SMIM10L3: variants seen among roughly 807,000 people sequenced by gnomAD.
The protein encoded by SMIM10L3 is small integral membrane protein 10 like 3.
the SMIM10L3 span, chr7:6,330,887 C>T: frequency 3.1e-6 from 5 of 1,614,090 alleles, no homozygotes; most frequent in Admixed American, 3.3e-5. Context: ...TTTCTTCTTA[C>T]TGATTCTCTC....
At chr7:6,337,229 G>A in the SMIM10L3 span, among the ~76,000 whole-genome samples, 4 of 152,158 alleles carry the variant, frequency 2.6e-5, no homozygotes, top group Admixed American at 2.6e-4. Flanking sequence ...ATGCCACCAT[G>A]GCCCTGGCTG....
At chr7:6,333,977 G>A in the SMIM10L3 span, among the ~76,000 whole-genome samples, 1 of 150,324 alleles carries the variant, frequency 6.7e-6, no homozygotes, top group African/African-American at 2.4e-5. Context: ...CTCCCAAGTA[G>A]CTGGGACTAC....
the SMIM10L3 span, among the ~76,000 whole-genome samples, chr7:6,337,436 C>G: frequency 6.6e-6 from 1 of 150,732 alleles, no homozygotes; most frequent in Non-Finnish European, 1.5e-5. Context: ...TTTTAATTCT[C>G]AAGAAAAACA....
the SMIM10L3 span, among the ~76,000 whole-genome samples, chr7:6,333,583 G>T: frequency 3.0e-3 from 460 of 151,676 alleles, 3 homozygotes; most frequent in Middle Eastern, 0.031. Flanking sequence ...ACTGCAGCCT[G>T]TAACTTCTGG....
chr7:6,334,666 G>A, the SMIM10L3 span, among the ~76,000 whole-genome samples: 49 of 151,992 alleles, frequency 3.2e-4, no homozygotes, highest in African/African-American at 5.5e-4. Context: ...GGGGTTCCAC[G>A]AGTTGCCCAG....
At chr7:6,340,621 TGCTG>T in the SMIM10L3 span, among the ~76,000 whole-genome samples, 22 of 151,842 alleles carry the variant, frequency 1.4e-4, no homozygotes, top group African/African-American at 5.3e-4. Flanking sequence ...AAATTATGAG[TGCTG>T]GCTGGGCATG....
At chr7:6,337,202 G>C in the SMIM10L3 span, among the ~76,000 whole-genome samples, 2 of 152,026 alleles carry the variant, frequency 1.3e-5, no homozygotes, top group Non-Finnish European at 2.9e-5. Flanking sequence ...CTCCCAAGTA[G>C]CTGAGACTAC....
chr7:6,348,905 C>G, the SMIM10L3 span: 4 of 386,854 alleles, frequency 1.0e-5, no homozygotes, highest in Non-Finnish European at 1.8e-5. Flanking sequence ...GCGGAGTCCG[C>G]ACGTCACGCT....
At chr7:6,347,973 C>CGA in the SMIM10L3 span, among the ~76,000 whole-genome samples, 1 of 150,564 alleles carries the variant, frequency 6.6e-6, no homozygotes, top group Non-Finnish European at 1.5e-5. Context: ...CGCAATGGAG[C>CGA]GATCTCGGCT....
chr7:6,347,987 C>G, the SMIM10L3 span, among the ~76,000 whole-genome samples: 1 of 151,032 alleles, frequency 6.6e-6, no homozygotes, highest in Non-Finnish European at 1.5e-5. Context: ...CTCGGCTCAC[C>G]GCAACCTGCG....
chr7:6,330,613 G>C, the SMIM10L3 span: 4 of 1,614,044 alleles, frequency 2.5e-6, no homozygotes, highest in African/African-American at 2.7e-5. Context: ...TTCCAACTCA[G>C]AGCCCAGACC....
the SMIM10L3 span, chr7:6,330,945 G>C: frequency 1.2e-6 from 2 of 1,614,116 alleles, no homozygotes; most frequent in African/African-American, 1.3e-5. Flanking sequence ...GGCCAGCCCC[G>C]CTCGGATCCT....
the SMIM10L3 span, among the ~76,000 whole-genome samples, chr7:6,339,672 A>G: frequency 1.3e-5 from 2 of 151,596 alleles, no homozygotes; most frequent in Non-Finnish European, 2.9e-5. Flanking sequence ...TTTAGTAGAG[A>G]CAGGGTTTCA....
At chr7:6,333,714 G>C in the SMIM10L3 span, among the ~76,000 whole-genome samples, 7 of 151,070 alleles carry the variant, frequency 4.6e-5, no homozygotes, top group African/African-American at 1.2e-4. Flanking sequence ...AAGCTCTAGA[G>C]TGAGAAAGGA....
the SMIM10L3 span, chr7:6,330,913 G>A: frequency 1.2e-6 from 2 of 1,614,206 alleles, no homozygotes; most frequent in East Asian, 2.2e-5. Context: ...TGGAAGCACT[G>A]GGCCGCCACT....
the SMIM10L3 span, among the ~76,000 whole-genome samples, chr7:6,337,073 C>CTTTTTT: frequency 1.4e-5 from 2 of 144,888 alleles, no homozygotes; most frequent in African/African-American, 5.0e-5. Flanking sequence ...TATTTTAATT[C>CTTTTTT]TTTTTTTTTT....
chr7:6,335,157 G>C, the SMIM10L3 span, among the ~76,000 whole-genome samples: 15 of 151,912 alleles, frequency 9.9e-5, no homozygotes, highest in Non-Finnish European at 2.2e-4. Flanking sequence ...CTGCCTCCTA[G>C]GTTCAAGCGA....
chr7:6,330,846 G>A, the SMIM10L3 span: 27 of 1,614,040 alleles, frequency 1.7e-5, no homozygotes, highest in African/African-American at 5.3e-5. Context: ...ACAAACCCAC[G>A]GCTGTGCTCG....
the SMIM10L3 span, among the ~76,000 whole-genome samples, chr7:6,336,811 C>A: frequency 2.0e-5 from 3 of 151,870 alleles, no homozygotes; most frequent in African/African-American, 4.8e-5. Flanking sequence ...TGTGCCACCA[C>A]ATCCAGCTAA....
Sources: gnomAD v4.1 joint callset for allele counts (sites outside exome capture counted in the v4.1 genomes callset) on GRCh38, gnomAD v4.1.1 for gene constraint, MANE v1.5 for transcripts, NCBI Gene and HGNC (gene_info 2026-07-23, HGNC 2026-07-21) for gene names.